Variants in JAM3 observed in about 807,000 individuals in gnomAD.
JAM3 encodes the protein junctional adhesion molecule 3, also known as junctional adhesion molecule C.
A neutral mutation model predicts 39.4 loss-of-function variants in JAM3; 31 were observed. That is an observed-to-expected ratio of 0.79 (90% CI 0.59 to 1.06). JAM3 has a LOEUF of 1.06. Among genes scored for constraint, JAM3 ranks in the 50% least tolerant of loss-of-function variants. JAM3 has a pLI of 0.00. For synonymous variants in JAM3, 182 were observed against 148.7 expected (o/e 1.22, Z -1.63); for missense variants, 455 against 391.4 (o/e 1.16, Z -1.37).
chr11:134,081,347 C>T (rs1941662400), intron 1 of JAM3, among the ~76,000 whole-genome samples: 1 of 152,110 alleles, frequency 6.6e-6, no homozygotes, highest in Non-Finnish European at 1.5e-5. Context: ...TCACAGCCAC[C>T]CCTCCCATCA....
At chr11:134,107,119 T>A (rs1315368824) in intron 1 of JAM3, among the ~76,000 whole-genome samples, 1 of 152,202 alleles carries the variant, frequency 6.6e-6, no homozygotes, top group Non-Finnish European at 1.5e-5. Flanking sequence ...TAAGAAAATG[T>A]GGCACATATA....
chr11:134,113,662 T>C (rs1448234432), intron 1 of JAM3, among the ~76,000 whole-genome samples: 4 of 152,224 alleles, frequency 2.6e-5, no homozygotes, highest in Non-Finnish European at 4.4e-5. Context: ...TCCGTGTGCA[T>C]GTGTCTTTAT....
At chr11:134,099,634 G>A (rs954112314) in intron 1 of JAM3, among the ~76,000 whole-genome samples, 1 of 152,094 alleles carries the variant, frequency 6.6e-6, no homozygotes, top group African/African-American at 2.4e-5. Context: ...ACAGAATCTC[G>A]CTCTGTCACC....
At chr11:134,106,537 C>A (rs1942191670) in intron 1 of JAM3, among the ~76,000 whole-genome samples, 1 of 152,144 alleles carries the variant, frequency 6.6e-6, no homozygotes, top group African/African-American at 2.4e-5. Context: ...AAAGAAACTA[C>A]CATCAGAGTG....
At chr11:134,132,075 A>C (rs1319854909) in intron 1 of JAM3, among the ~76,000 whole-genome samples, 1 of 152,228 alleles carries the variant, frequency 6.6e-6, no homozygotes, top group East Asian at 1.9e-4. Flanking sequence ...GCATAGACCC[A>C]CAAATCCAAA....
intron 1 of JAM3, among the ~76,000 whole-genome samples, chr11:134,120,182 G>T (rs1032291740): frequency 6.6e-6 from 1 of 152,234 alleles, no homozygotes; most frequent in South Asian, 2.1e-4. Flanking sequence ...GCGGTCTGCT[G>T]TGAAGGGTAA....
intron 1 of JAM3, among the ~76,000 whole-genome samples, chr11:134,082,785 G>A (rs962227058): frequency 6.6e-6 from 1 of 151,932 alleles, no homozygotes; most frequent in Admixed American, 6.6e-5. Context: ...ATACTATTTT[G>A]GGGGATTTAT....
At chr11:134,132,759 G>C (rs1433989346) in intron 1 of JAM3, among the ~76,000 whole-genome samples, 3 of 152,136 alleles carry the variant, frequency 2.0e-5, no homozygotes, top group Non-Finnish European at 4.4e-5. Flanking sequence ...AACCAGGGAG[G>C]ACCCCTGGAG....
chr11:134,097,862 G>GTA (rs1004924606), intron 1 of JAM3, among the ~76,000 whole-genome samples: 10 of 150,626 alleles, frequency 6.6e-5, no homozygotes, highest in East Asian at 1.9e-4. Flanking sequence ...TTATATATAT[G>GTA]TATATATATA....
chr11:134,103,631 A>T (rs1173621016), intron 1 of JAM3, among the ~76,000 whole-genome samples: 1 of 152,230 alleles, frequency 6.6e-6, no homozygotes, highest in Admixed American at 6.5e-5. Flanking sequence ...TCATGTGCGG[A>T]GACACACATA....
intron 1 of JAM3, chr11:134,126,526 C>G (rs1455681694): frequency 6.6e-6 from 1 of 152,232 alleles, no homozygotes; most frequent in Non-Finnish European, 1.5e-5. Context: ...TTTCTACATG[C>G]TTTAAAGCAG....
At chr11:134,137,415 G>C (rs949961248) in intron 1 of JAM3, among the ~76,000 whole-genome samples, 4 of 152,116 alleles carry the variant, frequency 2.6e-5, no homozygotes, top group Non-Finnish European at 5.9e-5. Context: ...TAGACTATAA[G>C]CTCTCCCATT....
At chr11:134,147,750 T>TGC (rs1260098879) in intron 6 of JAM3, 4 of 152,242 alleles carry the variant, frequency 2.6e-5, no homozygotes, top group African/African-American at 7.2e-5. Context: ...CCTCCCAAAG[T>TGC]GCTGGGATTA....
chr11:134,072,214 A>AT lies in JAM3; in HGVS notation c.76+3061dup, dbSNP rs543632726. ...AATTCCTTCTCCATAAATTCTTTGAATTTTTTAAAAGCACAAATGTAGTAA... is the reference window on the plus strand; with the variant it reads ...AATTCCTTCTCCATAAATTCTTTGAATTTTTTTAAAAGCACAAATGTAGTAA... On this transcript the variant is annotated intron_variant, in intron 1 of 8. Coordinates refer to ENST00000299106, the MANE Select transcript of JAM3 (RefSeq NM_032801.5). 3.7e-4 allele frequency among the ~76,000 whole-genome samples: 57 copies of AT among 152,296 alleles called. No individual in the cohort carries two copies. In the South Asian group the frequency reaches 0.012, roughly 31 times the overall value.
chr11:134,123,974 TTCAA>T, intron 1 of JAM3: 1 of 1,514,430 alleles, frequency 6.6e-7, no homozygotes, highest in Non-Finnish European at 9.2e-7. Flanking sequence ...TCATTCCATA[TTCAA>T]TCAAAGCAAG....
chr11:134,121,923 G>C (rs1265191446), intron 1 of JAM3, among the ~76,000 whole-genome samples: 1 of 152,124 alleles, frequency 6.6e-6, no homozygotes, highest in Admixed American at 6.5e-5. Context: ...AAAACACTTG[G>C]AGTCAACACT....
At chr11:134,138,086 G>T (rs1942901302) in intron 1 of JAM3, among the ~76,000 whole-genome samples, 1 of 125,512 alleles carries the variant, frequency 8.0e-6, no homozygotes, top group African/African-American at 3.4e-5. Flanking sequence ...TAGTCCCTTA[G>T]AGCCAGTGGT....
At chr11:134,132,643 A>G (rs574670131) in intron 1 of JAM3, among the ~76,000 whole-genome samples, 10 of 152,354 alleles carry the variant, frequency 6.6e-5, no homozygotes, top group Admixed American at 5.9e-4. Context: ...TCTTTTGGGC[A>G]GGCCTTGTTA....
intron 1 of JAM3, among the ~76,000 whole-genome samples, chr11:134,079,709 CCTTT>C (rs1941632816): frequency 6.6e-6 from 1 of 152,144 alleles, no homozygotes; most frequent in South Asian, 2.1e-4. Flanking sequence ...CATTTCTTTC[CCTTT>C]CTTATTATAT....
Sources: gnomAD v4.1 joint callset for allele counts (sites outside exome capture counted in the v4.1 genomes callset) on GRCh38, gnomAD v4.1.1 for gene constraint, MANE v1.5 for transcripts, NCBI Gene and HGNC (gene_info 2026-07-23, HGNC 2026-07-21) for gene names.